The following ZNF90 variants were observed in gnomAD, a reference collection of about 807,000 sequenced individuals.
ZNF90 encodes zinc finger protein 90.
In ZNF90, 11 loss-of-function variants were observed where a neutral mutation model predicts 12.0. That is an observed-to-expected ratio of 0.92 (90% CI 0.58 to 1.52). The LOEUF is 1.52. Ranked by LOEUF, ZNF90 falls within the 40% of genes most tolerant of loss-of-function variation. ZNF90 has a pLI of 0.00. For missense variants in ZNF90, 765 were observed against 711.5 expected (o/e 1.08, Z -0.86); for synonymous variants, 232 against 240.1 (o/e 0.97, Z 0.31).
At chr19:20,105,148 C>A in intron 2 of ZNF90, 73 bp from the exon 3 acceptor site, 1 of 1,154,508 alleles carries the variant, frequency 8.7e-7, no homozygotes, top group Non-Finnish European at 1.2e-6. Context: ...CACATCTTCT[C>A]TGCTGAGCAC....
chr19:20,083,381 G>A (rs937107869), intron 1 of ZNF90, among the ~76,000 whole-genome samples: 1 of 151,980 alleles, frequency 6.6e-6, no homozygotes, highest in Non-Finnish European at 1.5e-5. Flanking sequence ...AGGCTGCAGT[G>A]TAATGTTGCG....
At chr19:20,080,045 C>T (rs1252535080) in intron 1 of ZNF90, 1 of 324,354 alleles carries the variant, frequency 3.1e-6, no homozygotes, top group Non-Finnish European at 6.0e-6. Flanking sequence ...AAGCGATTCT[C>T]CTGCCTCAGC....
At chr19:20,081,827 A>G (rs2088822292) in intron 1 of ZNF90, among the ~76,000 whole-genome samples, 7 of 146,966 alleles carry the variant, frequency 4.8e-5, no homozygotes. Context: ...TGCAGTGGCG[A>G]GATCTCGGCT....
chr19:20,088,699 T>C (rs191445212), intron 1 of ZNF90, among the ~76,000 whole-genome samples: 32 of 152,304 alleles, frequency 2.1e-4, no homozygotes, highest in Admixed American at 2.0e-4. Context: ...GGAGGACAAC[T>C]GCAGCTAAAG....
intron 1 of ZNF90, among the ~76,000 whole-genome samples, chr19:20,098,675 T>C (rs977086987): frequency 7.2e-5 from 11 of 152,246 alleles, no homozygotes; most frequent in Admixed American, 3.3e-4. Flanking sequence ...TGGCTTATCA[T>C]TGGGCCATGA....
At chr19:20,081,840 C>G (rs1367756182) in intron 1 of ZNF90, among the ~76,000 whole-genome samples, 1 of 151,732 alleles carries the variant, frequency 6.6e-6, no homozygotes, top group Middle Eastern at 3.4e-3. Flanking sequence ...TCTCGGCTCA[C>G]TGCAAGGTCT....
At chr19:20,082,730 C>A (rs1416582754) in intron 1 of ZNF90, among the ~76,000 whole-genome samples, 1 of 152,156 alleles carries the variant, frequency 6.6e-6, no homozygotes, top group East Asian at 1.9e-4. Context: ...AAGGGAAAGA[C>A]CTGACCATCC....
intron 1 of ZNF90, among the ~76,000 whole-genome samples, chr19:20,089,990 AG>A (rs1169519645): frequency 1.3e-5 from 2 of 152,180 alleles, no homozygotes; most frequent in African/African-American, 4.8e-5. Context: ...TGAGCATAAA[AG>A]TAAAGAGTAG....
chr19:20,078,328 C>T (rs1415965179), intron 1 of ZNF90, among the ~76,000 whole-genome samples, 193 bp downstream of exon 1: 1 of 152,148 alleles, frequency 6.6e-6, no homozygotes, highest in Admixed American at 6.5e-5. Flanking sequence ...CCCGCGGCGT[C>T]CTGTCTCTTC....
At chr19:20,082,433 C>A (rs545393990) in intron 1 of ZNF90, among the ~76,000 whole-genome samples, 12 of 152,272 alleles carry the variant, frequency 7.9e-5, no homozygotes, top group African/African-American at 2.6e-4. Flanking sequence ...AAGAAAAATT[C>A]TTCTGCCTTG....
At chr19:20,116,493 ATTAC>A (rs1484440090) in intron 3 of ZNF90, among the ~76,000 whole-genome samples, 2 of 152,200 alleles carry the variant, frequency 1.3e-5, no homozygotes, top group Non-Finnish European at 2.9e-5. Context: ...AATTTTAAAA[ATTAC>A]TTTATATGCT....
At chr19:20,091,462 C>A (rs995228149) in intron 1 of ZNF90, among the ~76,000 whole-genome samples, 1 of 152,104 alleles carries the variant, frequency 6.6e-6, no homozygotes, top group Non-Finnish European at 1.5e-5. Flanking sequence ...GGTCTAAGAA[C>A]CATTTGCCTT....
intron 3 of ZNF90, among the ~76,000 whole-genome samples, chr19:20,110,633 A>G (rs1474273216): frequency 1.3e-5 from 2 of 152,176 alleles, no homozygotes; most frequent in Non-Finnish European, 2.9e-5. Context: ...TAATGGCTGT[A>G]TCTTTGTTTT....
chr19:20,108,731 C>T (rs77706312), intron 3 of ZNF90, among the ~76,000 whole-genome samples: 52 of 119,900 alleles, frequency 4.3e-4, no homozygotes, highest in South Asian at 1.0e-3. Context: ...GTAGGTTTCT[C>T]TTTTTTTTTT....
intron 3 of ZNF90, among the ~76,000 whole-genome samples, chr19:20,106,044 C>CTTTTTTTTTTTTTTT (rs56933917): frequency 4.2e-5 from 3 of 71,032 alleles, no homozygotes; most frequent in Non-Finnish European, 5.4e-5. Flanking sequence ...CTAATTTTTT[C>CTTTTTTTTTTTTTTT]TTTTTTTTTT....
In ZNF90 at chr19:20,119,476, T is replaced by A; in HGVS notation, c.*116T>A. 1 of 874,832 alleles carries A rather than the reference T, an allele frequency of 1.1e-6. No individual in the cohort carries two copies. The highest frequency in any genetic ancestry group is 1.7e-6 in the Non-Finnish European group (1 of 578,998). 54.2% of individuals were successfully genotyped at this position (874,832 alleles called of 1,614,324 possible). ...CCTCTACTCTTACTAAATATGAGAA[T>A]TTATATGAAACATAACTCCTACAAA... is the stretch of plus-strand genomic sequence containing the variant. On this transcript the variant is annotated 3_prime_UTR_variant, in exon 4 of 4. Coordinates refer to ENST00000418063, the MANE Select transcript of ZNF90 (RefSeq NM_007138.2).
At chr19:20,104,961 A>C (rs1486569481) in intron 2 of ZNF90, among the ~76,000 whole-genome samples, 3 of 152,178 alleles carry the variant, frequency 2.0e-5, no homozygotes, top group Non-Finnish European at 4.4e-5. Flanking sequence ...ACCATTGCAC[A>C]CCAGCCTGGG....
chr19:20,095,617 G>A (rs2088938517), intron 1 of ZNF90, among the ~76,000 whole-genome samples: 1 of 151,798 alleles, frequency 6.6e-6, no homozygotes, highest in Non-Finnish European at 1.5e-5. Context: ...AGGTTGGGCT[G>A]CAGAAATAAG....
At chr19:20,092,330 C>T (rs868916766) in intron 1 of ZNF90, among the ~76,000 whole-genome samples, 4 of 152,242 alleles carry the variant, frequency 2.6e-5, no homozygotes, top group Admixed American at 6.5e-5. Flanking sequence ...AGCGGCTGCA[C>T]GGAGACATGA....
Sources: allele counts gnomAD v4.1 joint callset (sites outside exome capture counted in the v4.1 genomes callset), GRCh38; gene constraint gnomAD v4.1.1; transcripts MANE v1.5; gene names NCBI Gene and HGNC (gene_info 2026-07-23, HGNC 2026-07-21).